The following UVSSA variants were observed in gnomAD, a reference collection of about 807,000 sequenced individuals.
UVSSA encodes UV-stimulated scaffold protein A.
A neutral mutation model predicts 73.9 loss-of-function variants in UVSSA; 72 were observed. That is an observed-to-expected ratio of 0.97 (90% CI 0.81 to 1.19). The LOEUF (loss-of-function observed/expected upper bound fraction) is 1.19. Among genes scored for constraint, UVSSA ranks in the 50% most tolerant of loss-of-function variants. The probability of loss-of-function intolerance (pLI) is 0.00; values close to 1 mark genes in which losing one functional copy is unlikely to be tolerated. For synonymous variants in UVSSA, 454 were observed against 391.3 expected (o/e 1.16, Z -1.89); for missense variants, 1,150 against 965.0 (o/e 1.19, Z -2.54).
intron 5 of UVSSA, 65 bp from the exon 6 acceptor site, chr4:1,354,670 C>G (rs1275928456): frequency 6.8e-7 from 1 of 1,464,226 alleles, no homozygotes; most frequent in Non-Finnish European, 9.4e-7. Flanking sequence ...CATGGTCTGC[C>G]TCTCCGGGGC....
At chr4:1,361,552 C>T (rs955260138) in intron 7 of UVSSA, among the ~76,000 whole-genome samples, 6 of 152,246 alleles carry the variant, frequency 3.9e-5, no homozygotes, top group African/African-American at 1.2e-4. Context: ...CAGTGCTGCC[C>T]GCCAGGTGCC....
chr4:1,348,059 G>T (rs768295013), intron 1 of UVSSA, 31 bp from the exon 2 acceptor site: 12 of 1,516,112 alleles, frequency 7.9e-6, no homozygotes, highest in Non-Finnish European at 1.1e-5. Flanking sequence ...TACAGATGGT[G>T]ATATAGCATC....
chr4:1,376,467 C>T (rs111593823), intron 10 of UVSSA, among the ~76,000 whole-genome samples: 23 of 152,306 alleles, frequency 1.5e-4, no homozygotes, highest in Non-Finnish European at 1.5e-4. Context: ...CCCCTAAAGG[C>T]GGCCCTGGGG....
chr4:1,345,687 A>G (rs1713613016), upstream of UVSSA, among the ~76,000 whole-genome samples: 1 of 143,974 alleles, frequency 6.9e-6, no homozygotes, highest in African/African-American at 2.6e-5. Context: ...CTGCAGGGCC[A>G]TCAGCGGATA....
In UVSSA at chr4:1,362,870, G is replaced by A. The variant is rs376724655; in HGVS notation, c.1177-3450G>A. Among the ~76,000 whole-genome samples the A allele has an allele frequency of 5.8e-4, 88 of 152,288 alleles. 1 individual carries two copies. The South Asian group carries it at 0.016, about 27-fold the overall frequency. On this transcript the variant is annotated intron_variant, in intron 7 of 13. Transcript: ENST00000389851. ...GGTGACCACGCCGTTCCTGTCCTCC[G>A]AACAGGCCTGTGAACAGCCACACAG...
chr4:1,366,103 C>T, intron 7 of UVSSA: 1 of 431,428 alleles, frequency 2.3e-6, no homozygotes, highest in East Asian at 3.9e-5. Context: ...CTCTAAACAG[C>T]CCCCAGCACA....
Position 1,387,731 on chromosome 4 carries a change from A to G in UVSSA, c.*1770A>G, listed in dbSNP as rs1278826384. On this transcript the variant is annotated 3_prime_UTR_variant, in exon 14 of 14. Coordinates refer to ENST00000389851, the MANE Select transcript of UVSSA (RefSeq NM_020894.4). ...CCCATTGAATTATCTTCGCACCATT[A>G]TTGATAATCAGTTGACCAAAAATGT... 1 of 152,172 alleles carries G rather than the reference A, an allele frequency of 6.6e-6. No homozygotes were observed. The highest frequency in any genetic ancestry group is 1.9e-4 in the East Asian group (1 of 5,196). 9.4% of individuals were successfully genotyped at this position (152,172 alleles called of 1,614,324 possible).
downstream of UVSSA, chr4:1,389,537 A>G (rs1475962955): frequency 6.6e-6 from 1 of 152,190 alleles, no homozygotes; most frequent in Non-Finnish European, 1.5e-5. Context: ...ATGACTGGCT[A>G]ATTTTTTAAA....
Position 1,386,594 on chromosome 4 carries a change from GAGA to G in UVSSA, c.*636_*638del, listed in dbSNP as rs1298192597. The G allele has an allele frequency of 1.3e-5, 2 of 152,398 alleles. No homozygotes were observed. Among genetic ancestry groups the G allele is most frequent in the Non-Finnish European group, 2.9e-5 (2 of 68,178 alleles). 9.4% of individuals were successfully genotyped at this position (152,398 alleles called of 1,614,324 possible). A position where few individuals can be genotyped will look rare whatever the true frequency, so the allele number is the denominator to read the frequency against. Reference sequence around the variant, plus strand: ...TGCACCCATGTTCACAGCAGCATTGGAGAAGGATACCGAACATCTTCTCGTGGG... The same window carrying G: ...TGCACCCATGTTCACAGCAGCATTGGAGGATACCGAACATCTTCTCGTGGG... On this transcript the variant is annotated 3_prime_UTR_variant, in exon 14 of 14. Transcript: ENST00000389851.
At chr4:1,389,096 T>C (rs1416942986), downstream of UVSSA, 1 of 152,242 alleles carries the variant, frequency 6.6e-6, no homozygotes, top group Non-Finnish European at 1.5e-5. Flanking sequence ...TCTTCATTTA[T>C]TATAGATCTG....
At chr4:1,377,839 C>T (rs1718963343) in intron 10 of UVSSA, among the ~76,000 whole-genome samples, 1 of 152,278 alleles carries the variant, frequency 6.6e-6, no homozygotes, top group South Asian at 2.1e-4. Flanking sequence ...CAACTGCCTG[C>T]ACACTGCTGT....
In UVSSA at chr4:1,384,205, C is replaced by T. The variant is rs1719844413; in HGVS notation, c.2036+265C>T. On this transcript the variant is annotated intron_variant, in intron 13 of 13. Coordinates refer to ENST00000389851, the MANE Select transcript of UVSSA (RefSeq NM_020894.4). ...CGACCGCCAGGCACCGCCATCCTCG[C>T]TTCCTGGGGGAGCCATGCCAGGACA... 11 of 492,794 alleles carry T rather than the reference C, an allele frequency of 2.2e-5. No homozygotes were observed. The South Asian group carries it at 2.8e-4, about 13-fold the overall frequency. The allele number at this position is 492,794 out of a possible 1,614,324, so 30.5% of individuals were successfully genotyped here.
chr4:1,356,179 C>G (rs1487390574), intron 7 of UVSSA, among the ~76,000 whole-genome samples: 1 of 152,102 alleles, frequency 6.6e-6, no homozygotes, highest in Non-Finnish European at 1.5e-5. Context: ...GGCCTTTTGG[C>G]TCTCCCCACT....
At chr4:1,363,789 A>G (rs903915075) in intron 7 of UVSSA, among the ~76,000 whole-genome samples, 2 of 152,244 alleles carry the variant, frequency 1.3e-5, no homozygotes, top group Admixed American at 1.3e-4. Context: ...GACGTTTCAC[A>G]GGTCAGCGGT....
intron 7 of UVSSA, among the ~76,000 whole-genome samples, chr4:1,360,215 C>T (rs1716424598): frequency 6.6e-6 from 1 of 152,224 alleles, no homozygotes; most frequent in African/African-American, 2.4e-5. Flanking sequence ...TCTCTGGAGT[C>T]AGCACAGGGA....
intron 8 of UVSSA, among the ~76,000 whole-genome samples, chr4:1,372,169 C>T (rs979265641): frequency 1.3e-5 from 2 of 152,104 alleles, no homozygotes; most frequent in African/African-American, 4.8e-5. Flanking sequence ...TTTTTTCGTC[C>T]CTTTATTTTC....
At chr4:1,364,781 G>A (rs975279942) in intron 7 of UVSSA, among the ~76,000 whole-genome samples, 3 of 151,888 alleles carry the variant, frequency 2.0e-5, no homozygotes, top group East Asian at 1.9e-4. Context: ...AGCCACCCCA[G>A]GGCACCACCA....
chr4:1,371,771 G>A (rs904255147), intron 8 of UVSSA, among the ~76,000 whole-genome samples: 10 of 152,292 alleles, frequency 6.6e-5, no homozygotes, highest in East Asian at 3.9e-4. Context: ...CTCCCACCAC[G>A]TGTGGGAATT....
At chr4:1,347,791 G>A (rs142282980) in intron 1 of UVSSA, 31 bp downstream of exon 1, 133 of 326,182 alleles carry the variant, frequency 4.1e-4, no homozygotes, top group Non-Finnish European at 2.9e-5. Flanking sequence ...CAGTCACGTT[G>A]GGGAAAAGCT....
Sources: gnomAD v4.1 joint callset for allele counts (sites outside exome capture counted in the v4.1 genomes callset) on GRCh38, gnomAD v4.1.1 for gene constraint, MANE v1.5 for transcripts, NCBI Gene and HGNC (gene_info 2026-07-23, HGNC 2026-07-21) for gene names.